Variants in SYDE1 observed in about 807,000 individuals in gnomAD.
SYDE1 encodes the protein rho GTPase-activating protein SYDE1.
In SYDE1, 34 loss-of-function variants were observed where a neutral mutation model predicts 63.3. That is an observed-to-expected ratio of 0.54 (90% CI 0.41 to 0.71). SYDE1 has a LOEUF of 0.71. SYDE1 is among the 30% of genes least tolerant of loss of function. SYDE1 has a pLI of 0.00. For missense variants in SYDE1, 925 were observed against 1,042.5 expected (o/e 0.89, Z 1.55); for synonymous variants, 467 against 473.4 (o/e 0.99, Z 0.18).
chr19:15,113,866 A>T lies in SYDE1; in HGVS notation c.2111A>T (p.Asp704Val). 6.2e-7 allele frequency: 1 copy of T among 1,614,170 alleles called. No homozygotes were observed. The highest frequency in any genetic ancestry group is 8.5e-7 in the Non-Finnish European group (1 of 1,180,040). ...ACCGGTGACTTCGAAGACGACTTCG[A>T]TGCGCCCTTCAACCCGCACCTGAAT... is the stretch of plus-strand genomic sequence containing the variant. ...RVTGDFEDDFDAPFNPHLNLK... is the reference protein window; with the variant it reads ...RVTGDFEDDFVAPFNPHLNLK... Residue 704 changes from aspartate (D) to valine (V), a missense_variant, in exon 8 of 8, where the codon GAT becomes GTT. Physicochemically the swap from Asp to Val is radical, Grantham distance 152. Transcript: ENST00000342784.
At chr19:15,107,710 G>T (rs2046316447) in intron 1 of SYDE1, among the ~76,000 whole-genome samples, 189 bp downstream of exon 1, 1 of 151,274 alleles carries the variant, frequency 6.6e-6, no homozygotes, top group Non-Finnish European at 1.5e-5. Flanking sequence ...GGAGGGGGGC[G>T]CGGACCGTTA....
In SYDE1 at chr19:15,113,738, C is replaced by T. The variant is rs1599326421; in HGVS notation, c.1983C>T (p.Asp661=). Reference sequence around the variant, plus strand: ...GCGACTGGAGCGTTTGCGGGCGGGACTTCCTGCCCTGTGGGCGGGATTTCC... The same window carrying T: ...GCGACTGGAGCGTTTGCGGGCGGGATTTCCTGCCCTGTGGGCGGGATTTCC... ...YAGDWSVCGR[D]FLPCGRDFLS... The change falls in exon 8 of 8, where the codon GAC becomes GAT. Residue 661 remains aspartate (D), a synonymous_variant. Coordinates refer to ENST00000342784, the MANE Select transcript of SYDE1 (RefSeq NM_033025.6). 6.2e-7 allele frequency: 1 copy of T among 1,613,770 alleles called. No individual in the cohort carries two copies. Among genetic ancestry groups the T allele is most frequent in the Non-Finnish European group, 8.5e-7 (1 of 1,179,842 alleles).
rs2046314772 is a variant in SYDE1, at chr19:15,107,539, G to A, written c.88+18G>A. 1 of 1,530,106 alleles carries A rather than the reference G, an allele frequency of 6.5e-7. No homozygotes were observed. Among genetic ancestry groups the A allele is most frequent in the African/African-American group, 1.4e-5 (1 of 72,374 alleles). 94.8% of individuals were successfully genotyped at this position (1,530,106 alleles called of 1,614,324 possible). ...GGAGCGCGGTAAGCGGAGATCGGTG[G>A]GGAACAGGGGGCGCCGAGCCCCACC... On this transcript the variant is annotated intron_variant, in intron 1 of 7. Coordinates refer to ENST00000342784, the MANE Select transcript of SYDE1 (RefSeq NM_033025.6).
rs1191543737 is a variant in SYDE1, at chr19:15,109,146, G to C, written c.179G>C (p.Ser60Thr). 6.4e-7 allele frequency: 1 copy of C among 1,551,318 alleles called. No individual in the cohort carries two copies. Among genetic ancestry groups the C allele is most frequent in the African/African-American group, 1.4e-5 (1 of 73,104 alleles). Residue 60 changes from serine to threonine, a missense_variant, in exon 2 of 8, where the codon AGC (serine) becomes ACC (threonine). By Grantham distance (58) the Ser-to-Thr change is moderately conservative (BLOSUM62 1). Coordinates refer to ENST00000342784, the MANE Select transcript of SYDE1 (RefSeq NM_033025.6). This position sits in a 1 kb window ranked among gnomAD's most constrained non-coding sequence, Gnocchi z 5.0. ...CAGGCCGGAGCAGAGGGGCCCTCCAGCCCCGAGGCATCAAGGAGCCCTGCA... is the reference window on the plus strand; with the variant it reads ...CAGGCCGGAGCAGAGGGGCCCTCCACCCCCGAGGCATCAAGGAGCCCTGCA... ...GSQAGAEGPS[S>T]PEASRSPARG...
In SYDE1 at chr19:15,111,252, T is replaced by A. The variant is rs1423360028; in HGVS notation, c.1291-61T>A. ...CCCAGAATTCCAGTGCTCACCCCAC[T>A]GGGCCCTGATTAGTCTGTGGCCCCG... On this transcript the variant is annotated intron_variant, in intron 4 of 7. Transcript: ENST00000342784. The surrounding 1 kb of genome is among the most constrained non-coding windows in gnomAD (Gnocchi z 5.5). 3 of 1,592,438 alleles carry A rather than the reference T, an allele frequency of 1.9e-6. No individual in the cohort carries two copies. The highest frequency in any genetic ancestry group is 1.7e-6 in the Non-Finnish European group (2 of 1,163,806).
rs1024663981 is a variant in SYDE1 at position 15,108,438 on chromosome 19, G to A, written c.89-618G>A. Among the ~76,000 whole-genome samples, 1 of 152,132 alleles carries A rather than the reference G, an allele frequency of 6.6e-6. No homozygotes were observed. The highest frequency in any genetic ancestry group is 2.4e-5 in the African/African-American group (1 of 41,422). On this transcript the variant is annotated intron_variant, in intron 1 of 7. Transcript: ENST00000342784. The surrounding 1 kb of genome is among the most constrained non-coding windows in gnomAD (Gnocchi z 4.3). ...AAGTCCCAAAGCATTGAGCGTGGGG[G>A]GTCTGGCCTGGGCTGAGGGACAAGG...
Position 15,109,212 on chromosome 19 carries a change from G to C in SYDE1, c.245G>C (p.Arg82Pro). Residue 82 changes from arginine (R) to proline (P), a missense_variant, in exon 2 of 8, where the codon CGA becomes CCA. Arg to Pro is a moderately radical substitution (Grantham distance 103, BLOSUM62 -2). Around this residue, in one of 3 missense-constraint regions of SYDE1, gnomAD observed 599 missense variants for 653.7 expected, o/e 0.92. Transcript: ENST00000342784. The surrounding 1 kb of genome is among the most constrained non-coding windows in gnomAD (Gnocchi z 5.0). ...CAAAGCCTGGAGCCCAGTAGCCGCC[G>C]ATGGGTGCTGGGTGGGGCCAAGCCA... is the stretch of plus-strand genomic sequence containing the variant. ...YLQSLEPSSRRWVLGGAKPAE... is the reference protein window; with the variant it reads ...YLQSLEPSSRPWVLGGAKPAE... 3 of 1,573,896 alleles carry C rather than the reference G, an allele frequency of 1.9e-6. No homozygotes were observed. Among genetic ancestry groups the C allele is most frequent in the Non-Finnish European group, 2.6e-6 (3 of 1,159,634 alleles).
Position 15,109,629 on chromosome 19 carries a change from C to A in SYDE1, c.431-75C>A. ...GGAACACCAGCCTCACACTCCTTCC[C>A]TTCAGGGGAGCACCAGCCTCACCCC... On this transcript the variant is annotated intron_variant, in intron 2 of 7. Transcript: ENST00000342784. The surrounding 1 kb of genome is among the most constrained non-coding windows in gnomAD (Gnocchi z 5.0). 1.0e-6 allele frequency: 1 copy of A among 986,188 alleles called. No individual in the cohort carries two copies. Among genetic ancestry groups the A allele is most frequent in the Non-Finnish European group, 1.5e-6 (1 of 687,662 alleles). The allele number at this position is 986,188 out of a possible 1,614,324, so 61.1% of individuals were successfully genotyped here.
Position 15,108,838 on chromosome 19 carries a change from G to A in SYDE1, c.89-218G>A, listed in dbSNP as rs894986419. 4.7e-5 allele frequency: 28 copies of A among 597,378 alleles called. No individual in the cohort carries two copies. The highest frequency in any genetic ancestry group is 6.6e-5 in the Non-Finnish European group (26 of 393,494). The allele number at this position is 597,378 out of a possible 1,614,324, so 37.0% of individuals were successfully genotyped here. A position where few individuals can be genotyped will look rare whatever the true frequency, so the allele number is the denominator to read the frequency against. ...GCTGCAGGGATGGAGTCCCCTTTTG[G>A]GATGCCAGGGACTGAGTAGGGGGTG... On this transcript the variant is annotated intron_variant, in intron 1 of 7. Coordinates refer to ENST00000342784, the MANE Select transcript of SYDE1 (RefSeq NM_033025.6). This position sits in a 1 kb window ranked among gnomAD's most constrained non-coding sequence, Gnocchi z 4.3.
At position 15,111,505 on chromosome 19, in the gene SYDE1, G is replaced by T; in HGVS notation, c.1417+66G>T. ...CAATGCCTCACTTCAAGGCCTTGGG[G>T]CTCCTCTGGGACCTCAGTCCTCCTA... On this transcript the variant is annotated intron_variant, in intron 5 of 7. Coordinates refer to ENST00000342784, the MANE Select transcript of SYDE1 (RefSeq NM_033025.6). The surrounding 1 kb of genome is among the most constrained non-coding windows in gnomAD (Gnocchi z 5.5). The T allele has an allele frequency of 6.2e-7, 1 of 1,601,794 alleles. No individual in the cohort carries two copies. The highest frequency in any genetic ancestry group is 1.1e-5 in the South Asian group (1 of 89,776).
Position 15,108,892 on chromosome 19 carries a change from C to A in SYDE1, c.89-164C>A. 1 of 1,154,076 alleles carries A rather than the reference C, an allele frequency of 8.7e-7. No homozygotes were observed. Among genetic ancestry groups the A allele is most frequent in the Non-Finnish European group, 1.2e-6 (1 of 865,086 alleles). 71.5% of individuals were successfully genotyped at this position (1,154,076 alleles called of 1,614,324 possible). Reference sequence around the variant, plus strand: ...TAAGCTGATAACTGAGATCGCTAGCCTGTGGCTGCCTATTCCAAACAAAAC... The same window carrying A: ...TAAGCTGATAACTGAGATCGCTAGCATGTGGCTGCCTATTCCAAACAAAAC... On this transcript the variant is annotated intron_variant, in intron 1 of 7. Coordinates refer to ENST00000342784, the MANE Select transcript of SYDE1 (RefSeq NM_033025.6). This position sits in a 1 kb window ranked among gnomAD's most constrained non-coding sequence, Gnocchi z 4.3.
chr19:15,107,581 T>C, intron 1 of SYDE1, 60 bp downstream of exon 1: 2 of 1,249,252 alleles, frequency 1.6e-6, no homozygotes, highest in African/African-American at 1.5e-5. Flanking sequence ...GGGAGCGGGG[T>C]CCCAGGGCCC....
At position 15,111,617 on chromosome 19, in the gene SYDE1, A is replaced by C. The variant is rs2040858; in HGVS notation, c.1418-15A>C. 4.3e-6 allele frequency: 7 copies of C among 1,612,220 alleles called. No homozygotes were observed. In the African/African-American group the frequency reaches 9.4e-5, roughly 22 times the overall value. ...GCCAGTGGTGCCCTGACCAGAGGGG[A>C]CCCTGTGTTCACAGGCATCCTCAAG... On this transcript the variant is annotated splice_polypyrimidine_tract_variant and intron_variant, in intron 5 of 7. Transcript: ENST00000342784. This position sits in a 1 kb window ranked among gnomAD's most constrained non-coding sequence, Gnocchi z 5.5.
Position 15,113,949 on chromosome 19 carries a change from A to C in SYDE1, c.2194A>C (p.Asn732His), listed in dbSNP as rs568577045. 1 of 1,612,182 alleles carries C rather than the reference A, an allele frequency of 6.2e-7. No individual in the cohort carries two copies. The highest frequency in any genetic ancestry group is 2.2e-5 in the East Asian group (1 of 44,842). The change falls in exon 8 of 8, where the codon AAC (asparagine) becomes CAC (histidine). Residue 732 changes from asparagine to histidine, a missense_variant. Asn to His is a moderately conservative substitution (Grantham distance 68). Coordinates refer to ENST00000342784, the MANE Select transcript of SYDE1 (RefSeq NM_033025.6). ...DLERELSKQINVCL is the reference protein window; with the variant it reads ...DLERELSKQIHVCL ...GGAGAGAGAGCTCTCCAAGCAAATCAACGTGTGCCTCTGAGCCAGATGACG... is the reference window on the plus strand; with the variant it reads ...GGAGAGAGAGCTCTCCAAGCAAATCCACGTGTGCCTCTGAGCCAGATGACG...
At position 15,114,101 on chromosome 19, in the gene SYDE1, C is replaced by T. The variant is rs543980973; in HGVS notation, c.*138C>T. On this transcript the variant is annotated 3_prime_UTR_variant, in exon 8 of 8. Coordinates refer to ENST00000342784, the MANE Select transcript of SYDE1 (RefSeq NM_033025.6). Reference sequence around the variant, plus strand: ...GCCAGCGAGTTACCACGGGACCAGTCGCGTGTATGGCTGAGACTCATTCCC... The same window carrying T: ...GCCAGCGAGTTACCACGGGACCAGTTGCGTGTATGGCTGAGACTCATTCCC... 36 of 822,172 alleles carry T rather than the reference C, an allele frequency of 4.4e-5. No homozygotes were observed. Among genetic ancestry groups the T allele is most frequent in the East Asian group, 1.5e-4 (6 of 39,910 alleles). The allele number at this position is 822,172 out of a possible 1,614,324, so 50.9% of individuals were successfully genotyped here. A position where few individuals can be genotyped will look rare whatever the true frequency, so the allele number is the denominator to read the frequency against.
At chr19:15,113,061 G>A (rs186286641) in intron 7 of SYDE1, among the ~76,000 whole-genome samples, 1 of 152,168 alleles carries the variant, frequency 6.6e-6, no homozygotes, top group Non-Finnish European at 1.5e-5. Context: ...CGCACCACCA[G>A]TCCTGGCTAA....
chr19:15,110,407 C>G lies in SYDE1; in HGVS notation c.1075+59C>G. 1 of 1,452,652 alleles carries G rather than the reference C, an allele frequency of 6.9e-7. No individual in the cohort carries two copies. The highest frequency in any genetic ancestry group is 9.1e-7 in the Non-Finnish European group (1 of 1,101,170). 90.0% of individuals were successfully genotyped at this position (1,452,652 alleles called of 1,614,324 possible). A position where few individuals can be genotyped will look rare whatever the true frequency, so the allele number is the denominator to read the frequency against. On this transcript the variant is annotated intron_variant, in intron 3 of 7. Transcript: ENST00000342784. The surrounding 1 kb of genome is among the most constrained non-coding windows in gnomAD (Gnocchi z 6.9). ...GGACCCCCAAACCCCACCGCCACCC[C>G]CCGCAGAGTGCCTAGGGGGCTGGGC...
Position 15,113,922 on chromosome 19 carries a change from C to A in SYDE1, c.2167C>A (p.Leu723Met). 1 of 1,613,980 alleles carries A rather than the reference C, an allele frequency of 6.2e-7. No individual in the cohort carries two copies. The highest frequency in any genetic ancestry group is 8.5e-7 in the Non-Finnish European group (1 of 1,180,000). The change falls in exon 8 of 8, where the codon CTG (leucine) becomes ATG (methionine). Residue 723 changes from leucine to methionine, a missense_variant. Leu to Met is a conservative substitution (Grantham distance 15). Transcript: ENST00000342784. ...AGACTTCGACGCCCTCATCCTGGAT[C>A]TGGAGAGAGAGCTCTCCAAGCAAAT... is the stretch of plus-strand genomic sequence containing the variant. ...LKDFDALILDLERELSKQINV... is the reference protein window; with the variant it reads ...LKDFDALILDMERELSKQINV...
chr19:15,112,363 C>T lies in SYDE1; in HGVS notation c.1596C>T (p.Leu532=). Residue 532 remains leucine (L), a synonymous_variant, in exon 7 of 8, where the codon CTC becomes CTT. Coordinates refer to ENST00000342784, the MANE Select transcript of SYDE1 (RefSeq NM_033025.6). ...PDVERATLTL[L]LDHLRLVSSF... ...TCTCCCAGGCCACGCTGACGCTTCT[C>T]CTGGACCACCTGCGCCTCGTCTCCT... The T allele has an allele frequency of 6.3e-7, 1 of 1,575,564 alleles. No individual in the cohort carries two copies. The highest frequency in any genetic ancestry group is 1.2e-5 in the South Asian group (1 of 86,038).
Sources: gnomAD v4.1 joint callset for allele counts (sites outside exome capture counted in the v4.1 genomes callset) on GRCh38, gnomAD v4.1.1 for gene constraint, gnomAD v4.1.1 regional missense constraint, Gnocchi (gnomAD v3.1) non-coding constraint, MANE v1.5 for transcripts, NCBI Gene and HGNC (gene_info 2026-07-23, HGNC 2026-07-21) for gene names.